NUP62: variants seen among roughly 807,000 people sequenced by gnomAD.
The protein encoded by NUP62 is nucleoporin 62, also known as nuclear pore glycoprotein p62.
For missense variants in NUP62, 647 were observed against 689.4 expected, an observed-to-expected ratio of 0.94 and a Z score of 0.69; for synonymous variants, 305 against 303.4, an observed-to-expected ratio of 1.01 and a Z score of -0.05.
Position 49,909,623 on chromosome 19 carries a change from A to C in NUP62, c.185T>G (p.Leu62Arg). 5 of 1,614,198 alleles carry C rather than the reference A, an allele frequency of 3.1e-6. No individual in the cohort carries two copies. Among genetic ancestry groups the C allele is most frequent in the Non-Finnish European group, 4.2e-6 (5 of 1,180,034 alleles). ...CTGTGTGGCCGGAGTCTGGGTGGCA[A>C]GTGAGAACAGGCCGGTGGAAGGGGT... ...TSTPSTGLFS[L>R]ATQTPATQTT... Residue 62 changes from leucine to arginine, a missense_variant, in exon 3 of 3, where the codon CTT (leucine) becomes CGT (arginine). Physicochemically the swap from Leu to Arg is moderately radical, Grantham distance 102. Coordinates refer to ENST00000352066, the MANE Select transcript of NUP62 (RefSeq NM_016553.5).
chr19:49,920,597 C>T (rs558599808), intron 2 of NUP62, among the ~76,000 whole-genome samples: 43 of 152,268 alleles, frequency 2.8e-4, no homozygotes, highest in African/African-American at 9.9e-4. Context: ...GCTGTGGAGG[C>T]GGATAGGCGT....
At position 49,908,970 on chromosome 19, in the gene NUP62, T is replaced by TGGCGGTGGC; in HGVS notation, c.829_837dup (p.Ala277_Ala279dup). 6.2e-7 allele frequency: 1 copy of TGGCGGTGGC among 1,608,236 alleles called. No individual in the cohort carries two copies. The highest frequency in any genetic ancestry group is 8.5e-7 in the Non-Finnish European group (1 of 1,176,584). On this transcript the variant is annotated inframe_insertion, in exon 3 of 3. Transcript: ENST00000352066. ...GTGGTGCTGCTGCTGCTGGTGGTGG[T>TGGCGGTGGC]GGCGGTGGCGGTGGCAGCGGTGGAT...
At chr19:49,927,971 G>A (rs1044932706) in intron 1 of NUP62, 156 bp from the exon 2 acceptor site, 42 of 152,348 alleles carry the variant, frequency 2.8e-4, no homozygotes, top group African/African-American at 1.0e-3. Flanking sequence ...GAAGCTGAAG[G>A]ACGGTTTGAA....
At chr19:49,918,394 C>G (rs1460552914) in intron 2 of NUP62, 2 of 152,186 alleles carry the variant, frequency 1.3e-5, no homozygotes, top group East Asian at 3.9e-4. Flanking sequence ...AAATCTGTGA[C>G]ATGGAAGAGC....
Position 49,918,901 on chromosome 19 carries a change from G to T in NUP62, c.-78+8793C>A, listed in dbSNP as rs1199658031. ...TCCCAGCACTTTGGGAGGCTGGGGG[G>T]GGGGGGGCGGGGTGTGGGGGGGCGG... On this transcript the variant is annotated intron_variant, in intron 2 of 2. Coordinates refer to ENST00000352066, the MANE Select transcript of NUP62 (RefSeq NM_016553.5). Among the ~76,000 whole-genome samples, 233 of 149,416 alleles carry T rather than the reference G, an allele frequency of 1.6e-3. 3 individuals are homozygous for T. The highest frequency in any genetic ancestry group is 5.3e-3 in the African/African-American group (217 of 40,698).
chr19:49,927,028 T>C (rs542078813), intron 2 of NUP62, among the ~76,000 whole-genome samples: 59 of 152,062 alleles, frequency 3.9e-4, no homozygotes, highest in African/African-American at 1.3e-3. Flanking sequence ...CCCGACTATT[T>C]TTTTGTATTT....
Position 49,908,831 on chromosome 19 carries a change from G to A in NUP62, c.977C>T (p.Ser326Phe), listed in dbSNP as rs777143310. 5 of 1,612,978 alleles carry A rather than the reference G, an allele frequency of 3.1e-6. No individual in the cohort carries two copies. In the East Asian group the frequency reaches 1.1e-4, roughly 36 times the overall value. Residue 326 changes from serine to phenylalanine, a missense_variant, in exon 3 of 3, where the codon TCC becomes TTC. Ser to Phe is a radical substitution (Grantham distance 155). Transcript: ENST00000352066. Reference sequence around the variant, plus strand: ...CTCCAGCTGCGCGTAGGTCATGGCGGAGCTGGCAGCCGCCCCTGCAGCTGC... The same window carrying A: ...CTCCAGCTGCGCGTAGGTCATGGCGAAGCTGGCAGCCGCCCCTGCAGCTGC... ...PGAAAGAAAS[S>F]AMTYAQLESL...
intron 2 of NUP62, among the ~76,000 whole-genome samples, chr19:49,912,192 G>A (rs1341174999): frequency 7.6e-6 from 1 of 132,236 alleles, no homozygotes; most frequent in Non-Finnish European, 1.6e-5. Flanking sequence ...TTTTTGAGAC[G>A]GGAGTCTCGC....
At chr19:49,919,838 TG>T (rs1216928637) in intron 2 of NUP62, among the ~76,000 whole-genome samples, 2 of 152,230 alleles carry the variant, frequency 1.3e-5, no homozygotes, top group African/African-American at 2.4e-5. Context: ...AGGAATACTC[TG>T]GTGCCAAGGC....
At chr19:49,916,964 T>C (rs2075640499) in intron 2 of NUP62, among the ~76,000 whole-genome samples, 1 of 152,218 alleles carries the variant, frequency 6.6e-6, no homozygotes, top group Non-Finnish European at 1.5e-5. Context: ...CAAAGGCCCA[T>C]GGCATTCGGC....
chr19:49,908,445 T>C lies in NUP62; in HGVS notation c.1363A>G (p.Ile455Val). The change falls in exon 3 of 3, where the codon ATC (isoleucine) becomes GTC (valine). Residue 455 changes from isoleucine (I) to valine (V), a missense_variant. By Grantham distance (29) the Ile-to-Val change is conservative. Transcript: ENST00000352066. Reference sequence around the variant, plus strand: ...GCCCCGGACGTGTTCAGGTGCTCGATGATGTCCTTGAGATCCTGGGCCATG... The same window carrying C: ...GCCCCGGACGTGTTCAGGTGCTCGACGATGTCCTTGAGATCCTGGGCCATG... ...KRMAQDLKDI[I>V]EHLNTSGAPA... is the part of the protein sequence containing the mutation. The C allele has an allele frequency of 6.2e-7, 1 of 1,614,160 alleles. No individual in the cohort carries two copies.
Position 49,909,182 on chromosome 19 carries a change from G to T in NUP62, c.626C>A (p.Thr209Lys). 2 of 1,613,726 alleles carry T rather than the reference G, an allele frequency of 1.2e-6. No homozygotes were observed. Among genetic ancestry groups the T allele is most frequent in the East Asian group, 4.5e-5 (2 of 44,880 alleles). ...TAGATQPAAPTPTATITSTGP... is the reference protein window; with the variant it reads ...TAGATQPAAPKPTATITSTGP... ...AGTGCTGGTGATGGTGGCTGTGGGT[G>T]TGGGAGCAGCTGGCTGTGTGGCACC... The change falls in exon 3 of 3, where the codon ACA becomes AAA. Residue 209 changes from threonine to lysine, a missense_variant. Coordinates refer to ENST00000352066, the MANE Select transcript of NUP62 (RefSeq NM_016553.5).
rs2075772775 is a variant in NUP62 at position 49,921,836 on chromosome 19, C to T, written c.-78+5858G>A. On this transcript the variant is annotated intron_variant, in intron 2 of 2. Transcript: ENST00000352066. This position sits in a 1 kb window ranked among gnomAD's most constrained non-coding sequence, Gnocchi z 5.4. ...GGTACTTTCCTCCGTGCCCAAGCAA[C>T]CCTGTAGGAACCACATATCCTGGGC... Among the ~76,000 whole-genome samples the T allele has an allele frequency of 1.3e-5, 2 of 152,226 alleles. No homozygotes were observed. The highest frequency in any genetic ancestry group is 4.1e-4 in the South Asian group (2 of 4,830).
intron 2 of NUP62, among the ~76,000 whole-genome samples, chr19:49,910,299 C>A (rs750606495): frequency 3.3e-5 from 5 of 151,962 alleles, no homozygotes; most frequent in African/African-American, 1.2e-4. Flanking sequence ...AGGGTGTGAG[C>A]GGATCAGCTC....
At chr19:49,920,654 TTTCTAAGGGCAGGC>T (rs2075744229) in intron 2 of NUP62, among the ~76,000 whole-genome samples, 1 of 151,112 alleles carries the variant, frequency 6.6e-6, no homozygotes, top group Non-Finnish European at 1.5e-5. Context: ...TCGGGCAGAG[TTTCTAAGGGCAGGC>T]CCATGCCTTC....
chr19:49,912,479 C>T (rs1486293102), intron 2 of NUP62, among the ~76,000 whole-genome samples: 1 of 152,120 alleles, frequency 6.6e-6, no homozygotes, highest in East Asian at 1.9e-4. Context: ...AACAGTTCAC[C>T]ATTTATTAAG....
chr19:49,909,802 G>A lies in NUP62; in HGVS notation c.6C>T (p.Ser2=), dbSNP rs200857005. Residue 2 remains serine, a synonymous_variant, in exon 3 of 3, where the codon AGC becomes AGT. Transcript: ENST00000352066. M[S]GFNFGGTGAP... is the part of the protein sequence containing the mutation. ...CCCCAGTGCCTCCAAAATTAAACCC[G>A]CTCATGGCTCCGGACTCTGGTGGCG... 2.0e-5 allele frequency: 33 copies of A among 1,613,992 alleles called. No homozygotes were observed. The highest frequency in any genetic ancestry group is 1.7e-4 in the Middle Eastern group (1 of 6,008).
intron 2 of NUP62, among the ~76,000 whole-genome samples, chr19:49,915,331 G>A (rs1438766066): frequency 1.3e-5 from 2 of 152,194 alleles, no homozygotes; most frequent in African/African-American, 4.8e-5. Flanking sequence ...GGAGGCAGGA[G>A]TCAGAGGGAG....
chr19:49,924,647 C>T (rs2075841898), intron 2 of NUP62, among the ~76,000 whole-genome samples: 1 of 152,196 alleles, frequency 6.6e-6, no homozygotes, highest in African/African-American at 2.4e-5. Context: ...GGCCACAGGC[C>T]TGGGTCAGGA....
Sources: gnomAD v4.1 joint callset for allele counts (sites outside exome capture counted in the v4.1 genomes callset) on GRCh38, gnomAD v4.1.1 for gene constraint, Gnocchi (gnomAD v3.1) non-coding constraint, MANE v1.5 for transcripts, NCBI Gene and HGNC (gene_info 2026-07-23, HGNC 2026-07-21) for gene names.